AKAP6: variants seen among roughly 807,000 people sequenced by gnomAD.
AKAP6 encodes the protein A-kinase anchoring protein 6.
Under a neutral mutation model 188.5 loss-of-function variants are expected in AKAP6, and 58 were observed. That is an observed-to-expected ratio of 0.31 (90% CI 0.25 to 0.38). The LOEUF (loss-of-function observed/expected upper bound fraction) is 0.38, where lower values mean the gene tolerates loss of function less well. Ranked by LOEUF, AKAP6 falls within the 10% of genes least tolerant of loss-of-function variation. The probability of loss-of-function intolerance (pLI) is 1.00; values close to 1 mark genes in which losing one functional copy is unlikely to be tolerated. For synonymous variants in AKAP6, 989 were observed against 998.6 expected (o/e 0.99, Z 0.18); for missense variants, 2,710 against 2,740.0 (o/e 0.99, Z 0.24).
intron 2 of AKAP6, among the ~76,000 whole-genome samples, chr14:32,533,312 A>G (rs1176571383): frequency 2.0e-5 from 3 of 152,174 alleles, no homozygotes; most frequent in Non-Finnish European, 2.9e-5. Context: ...ACCTACTGGG[A>G]AAAAAGGGTG....
At chr14:32,773,587 C>T in intron 11 of AKAP6, 91 bp from the exon 12 acceptor site, 3 of 1,245,102 alleles carry the variant, frequency 2.4e-6, no homozygotes, top group Non-Finnish European at 3.4e-6. Flanking sequence ...TGTATCACTA[C>T]AATTTGAAAT....
At chr14:32,635,157 T>C (rs528202763) in intron 7 of AKAP6, among the ~76,000 whole-genome samples, 16 of 152,038 alleles carry the variant, frequency 1.1e-4, no homozygotes, top group Non-Finnish European at 2.4e-4. Context: ...TTATTAATTA[T>C]TTTCAGATTG....
chr14:32,827,350 G>GT lies in AKAP6; in HGVS notation c.*43-2485dup, dbSNP rs537878561. ...AAATTCACCAAATTCCATTTGCTTGGTTTTTTTTTTTTTCCAGAACTAAGT... is the reference window on the plus strand; with the variant it reads ...AAATTCACCAAATTCCATTTGCTTGGTTTTTTTTTTTTTTCCAGAACTAAGT... On this transcript the variant is annotated intron_variant, in intron 13 of 13. Coordinates refer to ENST00000280979, the MANE Select transcript of AKAP6 (RefSeq NM_004274.5). 7.7e-3 allele frequency among the ~76,000 whole-genome samples: 1,094 copies of GT among 142,214 alleles called. 11 individuals carry two copies. The highest frequency in any genetic ancestry group is 0.034 in the South Asian group (152 of 4,506). 93.3% of individuals were successfully genotyped at this position (142,214 alleles called of 152,430 possible).
intron 2 of AKAP6, among the ~76,000 whole-genome samples, chr14:32,461,324 A>T (rs1891314804): frequency 6.6e-6 from 1 of 152,112 alleles, no homozygotes; most frequent in South Asian, 2.1e-4. Flanking sequence ...CATTCAGGAG[A>T]GCTCGGGCTA....
At chr14:32,672,802 T>A (rs1450446975) in intron 7 of AKAP6, among the ~76,000 whole-genome samples, 1 of 152,156 alleles carries the variant, frequency 6.6e-6, no homozygotes, top group African/African-American at 2.4e-5. Flanking sequence ...GAACTGCTGA[T>A]TCAACTTCTT....
intron 8 of AKAP6, among the ~76,000 whole-genome samples, chr14:32,679,477 C>A (rs1889579745): frequency 6.6e-6 from 1 of 152,138 alleles, no homozygotes. Flanking sequence ...CAAAATATTT[C>A]TTAAAGTGAC....
rs576502882 is a variant in AKAP6 at position 32,508,376 on chromosome 14, A to T, written c.325-27178A>T. ...GAACAGGGTAGTTGAAATAGAAATCAAAAGGAGACAGACACTAGAACCATT... is the reference window on the plus strand; with the variant it reads ...GAACAGGGTAGTTGAAATAGAAATCTAAAGGAGACAGACACTAGAACCATT... On this transcript the variant is annotated intron_variant, in intron 2 of 13. Transcript: ENST00000280979. Among the ~76,000 whole-genome samples the T allele has an allele frequency of 2.0e-5, 3 of 152,334 alleles. No individual in the cohort carries two copies. The East Asian group carries it at 5.8e-4, about 29-fold the overall frequency.
At chr14:32,678,689 A>G (rs777624772) in intron 8 of AKAP6, among the ~76,000 whole-genome samples, 1 of 152,202 alleles carries the variant, frequency 6.6e-6, no homozygotes, top group Non-Finnish European at 1.5e-5. Context: ...TTTTTAAAAT[A>G]CAGCGTTGTG....
At chr14:32,762,271 G>A (rs1047589143) in intron 11 of AKAP6, among the ~76,000 whole-genome samples, 11 of 152,064 alleles carry the variant, frequency 7.2e-5, no homozygotes, top group Non-Finnish European at 5.9e-5. Context: ...CAGCATTTTA[G>A]TAATGATACA....
intron 7 of AKAP6, among the ~76,000 whole-genome samples, chr14:32,629,202 T>G (rs1337050309): frequency 6.6e-6 from 1 of 152,138 alleles, no homozygotes; most frequent in East Asian, 1.9e-4. Flanking sequence ...TTATGAAGAT[T>G]CGCTGTTAAG....
intron 7 of AKAP6, among the ~76,000 whole-genome samples, chr14:32,674,340 T>C (rs546375585): frequency 1.3e-5 from 2 of 152,264 alleles, no homozygotes; most frequent in Non-Finnish European, 2.9e-5. Flanking sequence ...CTTTGGCCAC[T>C]ATAAGAGAAG....
intron 11 of AKAP6, among the ~76,000 whole-genome samples, chr14:32,759,080 A>C (rs921284864): frequency 1.3e-5 from 2 of 152,188 alleles, no homozygotes; most frequent in Non-Finnish European, 2.9e-5. Context: ...GGAGACATAA[A>C]TCATTATTCC....
At chr14:32,549,852 G>A (rs1227862577) in intron 4 of AKAP6, among the ~76,000 whole-genome samples, 6 of 152,222 alleles carry the variant, frequency 3.9e-5, no homozygotes, top group Admixed American at 3.9e-4. Context: ...GTCTCTAGTA[G>A]TCTTTCCAGA....
chr14:32,526,529 T>C (rs546162449), intron 2 of AKAP6, among the ~76,000 whole-genome samples: 1 of 152,262 alleles, frequency 6.6e-6, no homozygotes, highest in African/African-American at 2.4e-5. Context: ...CCACAGTGCC[T>C]GGCCCAGGCT....
chr14:32,457,918 A>G (rs143055068), intron 2 of AKAP6, among the ~76,000 whole-genome samples: 1 of 152,210 alleles, frequency 6.6e-6, no homozygotes, highest in African/African-American at 2.4e-5. Flanking sequence ...CATTTCAGTA[A>G]CTCACAATTA....
At chr14:32,404,693 T>TAGATAGATAG (rs1555325852) in intron 1 of AKAP6, among the ~76,000 whole-genome samples, 4 of 118,950 alleles carry the variant, frequency 3.4e-5, no homozygotes, top group African/African-American at 9.0e-5. Flanking sequence ...AGTCAGGAGA[T>TAGATAGATAG]ATATATATAT....
At chr14:32,689,366 T>C (rs1890070664) in intron 8 of AKAP6, among the ~76,000 whole-genome samples, 1 of 152,162 alleles carries the variant, frequency 6.6e-6, no homozygotes, top group Admixed American at 6.6e-5. Flanking sequence ...GGTGGACAGA[T>C]GGTCCACGAG....
chr14:32,665,688 G>T (rs996027968), intron 7 of AKAP6, among the ~76,000 whole-genome samples: 1 of 152,134 alleles, frequency 6.6e-6, no homozygotes, highest in African/African-American at 2.4e-5. Flanking sequence ...TTAGAGTCCT[G>T]CTTTAGGGCA....
chr14:32,714,284 C>T (rs944586647), intron 9 of AKAP6, among the ~76,000 whole-genome samples: 1 of 151,860 alleles, frequency 6.6e-6, no homozygotes, highest in Non-Finnish European at 1.5e-5. Context: ...AAATATTGAC[C>T]AAATTACTAA....
Sources: gnomAD v4.1 joint callset for allele counts (sites outside exome capture counted in the v4.1 genomes callset) on GRCh38, gnomAD v4.1.1 for gene constraint, MANE v1.5 for transcripts, NCBI Gene and HGNC (gene_info 2026-07-23, HGNC 2026-07-21) for gene names.